CUX2: variants seen among roughly 807,000 people sequenced by gnomAD.
CUX2 encodes the protein cut like homeobox 2, also known as homeobox protein cut-like 2.
A neutral mutation model predicts 144.8 loss-of-function variants in CUX2; 40 were observed. The observed-to-expected ratio is 0.28, with a 90% confidence interval of 0.21 to 0.36. CUX2 has a LOEUF of 0.36. CUX2 is among the 10% of genes least tolerant of loss of function. The probability of loss-of-function intolerance (pLI) is 1.00; values close to 1 mark genes in which losing one functional copy is unlikely to be tolerated. For synonymous variants in CUX2, 827 were observed against 875.6 expected (o/e 0.94, Z 0.98); for missense variants, 1,615 against 1,994.0 (o/e 0.81, Z 3.62).
At chr12:111,284,320 C>A (rs112744783) in intron 4 of CUX2, among the ~76,000 whole-genome samples, 1 of 152,178 alleles carries the variant, frequency 6.6e-6, no homozygotes, top group Admixed American at 6.5e-5. Flanking sequence ...AGCAGGCCAG[C>A]AGCAGGACCG....
At chr12:111,290,272 G>T (rs1300703512) in intron 4 of CUX2, among the ~76,000 whole-genome samples, 1 of 152,102 alleles carries the variant, frequency 6.6e-6, no homozygotes, top group African/African-American at 2.4e-5. Context: ...GGCTGAGGCA[G>T]GATCACTTGA....
intron 3 of CUX2, among the ~76,000 whole-genome samples, chr12:111,258,974 C>T (rs546574571): frequency 6.6e-6 from 1 of 152,150 alleles, no homozygotes; most frequent in East Asian, 1.9e-4. Flanking sequence ...CTCAAGTGAT[C>T]CCCCTTTCTC....
rs1394586458 is a variant in CUX2 at position 111,136,191 on chromosome 12, T to C, written c.64-78009T>C. Among the ~76,000 whole-genome samples, 5 of 151,376 alleles carry C rather than the reference T, an allele frequency of 3.3e-5. No individual in the cohort carries two copies. The East Asian group carries it at 7.8e-4, about 24-fold the overall frequency. ...AGGATGCAGGAACATCGCGTGTTCC[T>C]GCACGTGATGAGGGTGGGAGGGAAT... is the stretch of plus-strand genomic sequence containing the variant. On this transcript the variant is annotated intron_variant, in intron 1 of 21. Coordinates refer to ENST00000261726, the MANE Select transcript of CUX2 (RefSeq NM_015267.4).
intron 18 of CUX2, among the ~76,000 whole-genome samples, chr12:111,325,580 C>A (rs1202740665): frequency 1.3e-5 from 2 of 151,290 alleles, no homozygotes; most frequent in Non-Finnish European, 2.9e-5. Context: ...TACCCCAGAG[C>A]CTACCTGGGA....
chr12:111,292,841 G>A (rs184036658), intron 5 of CUX2, among the ~76,000 whole-genome samples: 5 of 152,162 alleles, frequency 3.3e-5, no homozygotes, highest in Admixed American at 3.3e-4. Flanking sequence ...AGTGAATTTT[G>A]GCCAGGCACG....
intron 1 of CUX2, among the ~76,000 whole-genome samples, chr12:111,060,665 G>T (rs1178600615): frequency 6.6e-6 from 1 of 152,230 alleles, no homozygotes; most frequent in Admixed American, 6.5e-5. Flanking sequence ...GGAAGCAGGG[G>T]TTCTATCTGG....
intron 1 of CUX2, among the ~76,000 whole-genome samples, chr12:111,208,724 AG>A (rs755566396): frequency 6.6e-6 from 1 of 152,216 alleles, no homozygotes; most frequent in Non-Finnish European, 1.5e-5. Flanking sequence ...CAGTGTTAGA[AG>A]GGATTGACTT....
chr12:111,036,065 G>C (rs1314795064), intron 1 of CUX2, among the ~76,000 whole-genome samples: 1 of 152,200 alleles, frequency 6.6e-6, no homozygotes, highest in Admixed American at 6.5e-5. Flanking sequence ...GGGCACGGCT[G>C]GGGGACAGCG....
chr12:111,181,923 G>T (rs994165068), intron 1 of CUX2, among the ~76,000 whole-genome samples: 1 of 152,192 alleles, frequency 6.6e-6, no homozygotes, highest in Non-Finnish European at 1.5e-5. Flanking sequence ...ACAGCTGGAT[G>T]AAATATTTGG....
intron 18 of CUX2, among the ~76,000 whole-genome samples, chr12:111,329,709 C>T (rs923538385): frequency 1.3e-5 from 2 of 152,172 alleles, no homozygotes; most frequent in African/African-American, 4.8e-5. Flanking sequence ...AATCCCGGCT[C>T]ACTGCGACCT....
At chr12:111,192,294 A>AT (rs1879939369) in intron 1 of CUX2, among the ~76,000 whole-genome samples, 2 of 151,172 alleles carry the variant, frequency 1.3e-5, no homozygotes, top group South Asian at 2.1e-4. Context: ...CGCCCAGCTG[A>AT]TTTTTTTGTA....
chr12:111,338,156 C>A, intron 19 of CUX2, 130 bp from the exon 20 acceptor site: 1 of 974,906 alleles, frequency 1.0e-6, no homozygotes, highest in Non-Finnish European at 1.5e-6. Context: ...GTCTCTGGCC[C>A]TCCCTTCGGA....
intron 1 of CUX2, among the ~76,000 whole-genome samples, chr12:111,036,924 C>G (rs1179740848): frequency 7.2e-6 from 1 of 139,136 alleles, no homozygotes; most frequent in African/African-American, 2.6e-5. Flanking sequence ...CCCATATCCT[C>G]ACTGATGGCA....
intron 1 of CUX2, among the ~76,000 whole-genome samples, chr12:111,170,717 T>C (rs1878468956): frequency 1.3e-5 from 2 of 152,008 alleles, no homozygotes; most frequent in Non-Finnish European, 2.9e-5. Context: ...CAGAAACTGC[T>C]CAATGATTCC....
intron 4 of CUX2, among the ~76,000 whole-genome samples, chr12:111,266,606 G>A (rs1226995098): frequency 2.6e-5 from 4 of 152,160 alleles, no homozygotes; most frequent in Admixed American, 2.0e-4. Context: ...ATGAGAAACT[G>A]GGAGAGACAA....
At chr12:111,280,695 T>C (rs1376593305) in intron 4 of CUX2, among the ~76,000 whole-genome samples, 1 of 152,138 alleles carries the variant, frequency 6.6e-6, no homozygotes. Flanking sequence ...TTGGCACTCC[T>C]CGGCTTCTAG....
At chr12:111,340,281 G>A (rs1888523570) in intron 20 of CUX2, among the ~76,000 whole-genome samples, 2 of 152,180 alleles carry the variant, frequency 1.3e-5, no homozygotes, top group African/African-American at 4.8e-5. Flanking sequence ...TCTGAAGTGG[G>A]CTTTTTTCTC....
chr12:111,213,301 C>T (rs950051846), intron 1 of CUX2, among the ~76,000 whole-genome samples: 1 of 152,206 alleles, frequency 6.6e-6, no homozygotes, highest in Non-Finnish European at 1.5e-5. Context: ...TCCATGACAA[C>T]TCATGGTGAA....
At chr12:111,210,730 G>A (rs1191431084) in intron 1 of CUX2, among the ~76,000 whole-genome samples, 26 of 151,904 alleles carry the variant, frequency 1.7e-4, no homozygotes, top group Admixed American at 5.2e-4. Flanking sequence ...CTGGGAGGTC[G>A]AGGCTGCAGT....
Sources: gnomAD v4.1 joint callset for allele counts (sites outside exome capture counted in the v4.1 genomes callset) on GRCh38, gnomAD v4.1.1 for gene constraint, MANE v1.5 for transcripts, NCBI Gene and HGNC (gene_info 2026-07-23, HGNC 2026-07-21) for gene names.